Variants in ABHD2 observed in about 807,000 individuals in gnomAD.
The protein encoded by ABHD2 is abhydrolase domain containing 2, acylglycerol lipase.
A neutral mutation model predicts 48.1 loss-of-function variants in ABHD2; 20 were observed. That is an observed-to-expected ratio of 0.42 (90% confidence interval 0.29 to 0.60). The LOEUF is 0.60. Among genes scored for constraint, ABHD2 ranks in the 20% least tolerant of loss-of-function variants. The probability of loss-of-function intolerance (pLI) is 0.24; values close to 1 mark genes in which losing one functional copy is unlikely to be tolerated. For missense variants in ABHD2, 405 were observed against 550.9 expected (o/e 0.74, Z 2.65); for synonymous variants, 209 against 214.2 (o/e 0.98, Z 0.21).
chr15:89,046,672 A>G, the ABHD2 span, among the ~76,000 whole-genome samples: 3 of 152,126 alleles, frequency 2.0e-5, no homozygotes, highest in African/African-American at 7.2e-5. Context: ...TAGATTTTCT[A>G]GTTTTATTTG....
At chr15:89,128,415 A>G (rs568985699) in intron 3 of ABHD2, among the ~76,000 whole-genome samples, 25 of 152,266 alleles carry the variant, frequency 1.6e-4, no homozygotes, top group Middle Eastern at 3.4e-3. Flanking sequence ...GGGCCTTCCA[A>G]CCAGTCAGCA....
chr15:89,075,065 T>C, the ABHD2 span, among the ~76,000 whole-genome samples: 2 of 152,176 alleles, frequency 1.3e-5, no homozygotes, highest in African/African-American at 4.8e-5. The surrounding 1 kb of genome is among the most constrained non-coding windows in gnomAD (Gnocchi z 4.1). Flanking sequence ...CTTTTCTCGG[T>C]AATTCTTCTC....
chr15:89,183,998 G>A (rs1002518697), intron 6 of ABHD2, among the ~76,000 whole-genome samples: 1 of 152,138 alleles, frequency 6.6e-6, no homozygotes, highest in Non-Finnish European at 1.5e-5. Context: ...GTCCCTCATG[G>A]TGGTCTGGTC....
chr15:89,080,839 C>T, the ABHD2 span, among the ~76,000 whole-genome samples: 8 of 151,176 alleles, frequency 5.3e-5, no homozygotes, highest in South Asian at 1.0e-3. Flanking sequence ...AGATTACAGG[C>T]GTGAGCCACC....
At chr15:89,080,111 A>T in the ABHD2 span, among the ~76,000 whole-genome samples, 43,702 of 152,054 alleles carry the variant, frequency 0.29, 7,689 homozygotes, top group African/African-American at 0.51. Context: ...GAAAGGCAAG[A>T]GCAGAAGAGC....
At chr15:89,142,864 A>G (rs1040371966) in intron 3 of ABHD2, among the ~76,000 whole-genome samples, 8 of 152,134 alleles carry the variant, frequency 5.3e-5, no homozygotes, top group African/African-American at 1.9e-4. Context: ...CTGCGTTCCC[A>G]TTGAATGCAG....
Position 89,184,423 on chromosome 15 carries a change from C to T in ABHD2, c.723-1001C>T, listed in dbSNP as rs2051170942. On this transcript the variant is annotated intron_variant, in intron 6 of 10. Coordinates refer to ENST00000352732, the MANE Select transcript of ABHD2 (RefSeq NM_152924.5). The surrounding 1 kb of genome is among the most constrained non-coding windows in gnomAD (Gnocchi z 5.1). ...AGAAGTAGTGACGTCCAGATCCATT[C>T]ACAGGGTGGAGTCAGGCCTGGAGAT... is the stretch of plus-strand genomic sequence containing the variant. Among the ~76,000 whole-genome samples, 5 of 152,204 alleles carry T rather than the reference C, an allele frequency of 3.3e-5. No individual in the cohort carries two copies. The South Asian group carries it at 1.0e-3, about 31-fold the overall frequency.
chr15:89,074,146 G>GGT, the ABHD2 span, among the ~76,000 whole-genome samples: 12 of 152,172 alleles, frequency 7.9e-5, no homozygotes, highest in African/African-American at 2.9e-4. Flanking sequence ...GGCCGAGGTA[G>GGT]GTGGATCACC....
intron 3 of ABHD2, among the ~76,000 whole-genome samples, chr15:89,128,488 C>T (rs1300963842): frequency 6.6e-6 from 1 of 152,156 alleles, no homozygotes; most frequent in East Asian, 1.9e-4. Flanking sequence ...AATGCTTTGC[C>T]GTCACCACAG....
intron 3 of ABHD2, among the ~76,000 whole-genome samples, chr15:89,126,071 A>G (rs1482896645): frequency 6.6e-6 from 1 of 152,210 alleles, no homozygotes; most frequent in Non-Finnish European, 1.5e-5. Flanking sequence ...TATGACCCTT[A>G]TACCGCCCTA....
chr15:89,199,309 A>C lies in ABHD2; in HGVS notation c.*3886A>C, dbSNP rs190402433. ...TTAGAGCTGAAGTAAAAGATCACTGAAACATCACGTCAAGTTGAAGTCACT... is the reference window on the plus strand; with the variant it reads ...TTAGAGCTGAAGTAAAAGATCACTGCAACATCACGTCAAGTTGAAGTCACT... On this transcript the variant is annotated 3_prime_UTR_variant, in exon 11 of 11. Transcript: ENST00000352732. This position sits in a 1 kb window ranked among gnomAD's most constrained non-coding sequence, Gnocchi z 4.1. 6 of 152,652 alleles carry C rather than the reference A, an allele frequency of 3.9e-5. No homozygotes were observed. Among genetic ancestry groups the C allele is most frequent in the Non-Finnish European group, 8.8e-5 (6 of 68,020 alleles). 9.5% of individuals were successfully genotyped at this position (152,652 alleles called of 1,614,324 possible).
In ABHD2 at chr15:89,185,556, CCTT is replaced by C; in HGVS notation, c.815+42_815+44del. The C allele has an allele frequency of 6.4e-7, 1 of 1,559,602 alleles. No homozygotes were observed. The highest frequency in any genetic ancestry group is 8.8e-7 in the Non-Finnish European group (1 of 1,130,880). On this transcript the variant is annotated intron_variant, in intron 7 of 10. Coordinates refer to ENST00000352732, the MANE Select transcript of ABHD2 (RefSeq NM_152924.5). This position sits in a 1 kb window ranked among gnomAD's most constrained non-coding sequence, Gnocchi z 5.9. Reference sequence around the variant, plus strand: ...GTTCTCTCTCAGGAGACAGACAGTTCCTTCCTGAGCTCATCTGGGAACCGTGAA... The same window carrying C: ...GTTCTCTCTCAGGAGACAGACAGTTCCCTGAGCTCATCTGGGAACCGTGAA...
In ABHD2 at chr15:89,151,911, G is replaced by A; in HGVS notation, c.370+59G>A. ...ACTCAGAGAAGGAGCACTAGTCAGT[G>A]GAGAGCACAGCAGTGTGAATACTTG... On this transcript the variant is annotated intron_variant, in intron 4 of 10. Coordinates refer to ENST00000352732, the MANE Select transcript of ABHD2 (RefSeq NM_152924.5). This position sits in a 1 kb window ranked among gnomAD's most constrained non-coding sequence, Gnocchi z 4.7. 1 of 1,579,086 alleles carries A rather than the reference G, an allele frequency of 6.3e-7. No individual in the cohort carries two copies. The highest frequency in any genetic ancestry group is 1.2e-5 in the South Asian group (1 of 85,352).
At chr15:89,103,878 T>C (rs2049740957) in intron 1 of ABHD2, 1 of 152,190 alleles carries the variant, frequency 6.6e-6, no homozygotes, top group Admixed American at 6.5e-5. Context: ...GGTGCCTATC[T>C]CACAATATCC....
At chr15:89,042,193 G>A in the ABHD2 span, among the ~76,000 whole-genome samples, 4 of 152,294 alleles carry the variant, frequency 2.6e-5, no homozygotes, top group African/African-American at 9.6e-5. Context: ...ACCTGCTGAA[G>A]AACATGCAGC....
the ABHD2 span, among the ~76,000 whole-genome samples, chr15:89,079,953 A>T: frequency 6.6e-6 from 1 of 152,208 alleles, no homozygotes; most frequent in Non-Finnish European, 1.5e-5. This position sits in a 1 kb window ranked among gnomAD's most constrained non-coding sequence, Gnocchi z 4.3. Context: ...TACTTTGGAC[A>T]AGACTGGCTG....
At chr15:89,115,386 G>A (rs1225775503) in intron 2 of ABHD2, among the ~76,000 whole-genome samples, 1 of 34,084 alleles carries the variant, frequency 2.9e-5, no homozygotes, top group African/African-American at 1.2e-4. Flanking sequence ...GTGTGTGTGT[G>A]TGTGTGTGTG....
intron 3 of ABHD2, among the ~76,000 whole-genome samples, chr15:89,126,669 T>C (rs1237800365): frequency 6.6e-6 from 1 of 152,218 alleles, no homozygotes; most frequent in Non-Finnish European, 1.5e-5. Flanking sequence ...TTGGAAAATA[T>C]ATTCTGGAGG....
rs1198398351 is a variant in ABHD2, at chr15:89,182,809, A to T, written c.723-2615A>T. 6.6e-6 allele frequency among the ~76,000 whole-genome samples: 1 copy of T among 152,122 alleles called. No individual in the cohort carries two copies. Among genetic ancestry groups the T allele is most frequent in the East Asian group, 1.9e-4 (1 of 5,186 alleles). On this transcript the variant is annotated intron_variant, in intron 6 of 10. Transcript: ENST00000352732. The surrounding 1 kb of genome is among the most constrained non-coding windows in gnomAD (Gnocchi z 4.8). ...CTCCATCTCAAGAAACAAAAACAAA[A>T]AAAGAACTTGGATAGGCAAGTAAGG...
Sources: allele counts gnomAD v4.1 joint callset (sites outside exome capture counted in the v4.1 genomes callset), GRCh38; gene constraint gnomAD v4.1.1; non-coding constraint Gnocchi (gnomAD v3.1); transcripts MANE v1.5; gene names NCBI Gene and HGNC (gene_info 2026-07-23, HGNC 2026-07-21).